The following POF1B variants were observed in gnomAD, a reference collection of about 807,000 sequenced individuals.
POF1B encodes the protein protein POF1B.
Under a neutral mutation model 55.3 loss-of-function variants are expected in POF1B, and 53 were observed. The observed-to-expected ratio is 0.96, with a 90% CI of 0.77 to 1.20. The LOEUF is 1.20. Among genes scored for constraint, POF1B ranks in the 50% most tolerant of loss-of-function variants. The probability of loss-of-function intolerance (pLI) is 0.00; values close to 1 mark genes in which losing one functional copy is unlikely to be tolerated. For synonymous variants in POF1B, 188 were observed against 148.3 expected (o/e 1.27, Z -1.95); for missense variants, 478 against 420.5 (o/e 1.14, Z -1.20).
intron 2 of POF1B, among the ~76,000 whole-genome samples, chrX:85,371,928 G>A (rs1443691030): frequency 8.9e-6 from 1 of 112,013 alleles, no homozygotes; most frequent in East Asian, 2.8e-4. Context: ...CAATTTTGCA[G>A]GAAGACCTTA....
chrX:85,287,241 A>C (rs1932073068), intron 15 of POF1B, among the ~76,000 whole-genome samples: 1 of 111,174 alleles, frequency 9.0e-6, no homozygotes, highest in African/African-American at 3.3e-5. Flanking sequence ...AAAAACAAAA[A>C]TAGGAGAAGA....
Position 85,303,391 on chromosome X carries a change from T to C in POF1B, c.1649+15A>G, listed in dbSNP as rs775659106. The C allele has an allele frequency of 9.6e-7, 1 of 1,044,985 alleles. No homozygotes were observed. The highest frequency in any genetic ancestry group is 3.1e-5 in the East Asian group (1 of 32,345). The allele number at this position is 1,044,985 out of a possible 1,213,427, so 86.1% of individuals were successfully genotyped here. On this transcript the variant is annotated intron_variant, in intron 15 of 16. Coordinates refer to ENST00000262753, the MANE Select transcript of POF1B (RefSeq NM_024921.4). ...CATAATTTTTATATTCAAATTTCAT[T>C]TAAAAATACATTACTTTTTAGTGGT...
chrX:85,285,830 C>CGTCT (rs1244192999), intron 15 of POF1B, among the ~76,000 whole-genome samples: 1 of 110,939 alleles, frequency 9.0e-6, no homozygotes, highest in East Asian at 2.9e-4. Flanking sequence ...CCAGCTTACT[C>CGTCT]GTCTATACAC....
intron 6 of POF1B, among the ~76,000 whole-genome samples, chrX:85,332,367 C>T (rs939334187): frequency 1.8e-5 from 2 of 111,121 alleles, no homozygotes; most frequent in Non-Finnish European, 3.8e-5. Flanking sequence ...TTACTATGAA[C>T]AGTGTCCTAA....
chrX:85,372,066 C>T (rs1447419446), intron 2 of POF1B, among the ~76,000 whole-genome samples: 1 of 111,482 alleles, frequency 9.0e-6, no homozygotes, highest in East Asian at 2.8e-4. Flanking sequence ...AATTTGGGGC[C>T]GGGCGTGGTG....
intron 7 of POF1B, among the ~76,000 whole-genome samples, chrX:85,329,997 T>A (rs1932949653): frequency 9.1e-6 from 1 of 109,883 alleles, no homozygotes; most frequent in African/African-American, 3.3e-5. Context: ...AATCTAAGAA[T>A]TAGAAGAATC....
intron 4 of POF1B, among the ~76,000 whole-genome samples, chrX:85,354,927 T>A (rs1933460225): frequency 9.0e-6 from 1 of 111,321 alleles, no homozygotes; most frequent in Non-Finnish European, 1.9e-5. Context: ...AAGCTACCAA[T>A]GACTTTCTTC....
At chrX:85,323,234 G>A (rs1932858840) in intron 7 of POF1B, among the ~76,000 whole-genome samples, 1 of 111,400 alleles carries the variant, frequency 9.0e-6, no homozygotes, top group South Asian at 3.8e-4. Flanking sequence ...AGAAAATGTG[G>A]CACATATACA....
intron 15 of POF1B, among the ~76,000 whole-genome samples, chrX:85,283,686 C>T (rs1048906822): frequency 1.6e-4 from 18 of 109,526 alleles, no homozygotes; most frequent in Non-Finnish European, 2.5e-4. Context: ...TATAAACACA[C>T]GTATCCAAGA....
chrX:85,322,045 TC>T (rs2147917780), intron 7 of POF1B, among the ~76,000 whole-genome samples: 1 of 110,515 alleles, frequency 9.0e-6, no homozygotes, highest in Admixed American at 9.6e-5. Context: ...TTCAATGCCA[TC>T]CCCATCAAGC....
chrX:85,306,150 A>C (rs766362960), intron 12 of POF1B, 31 bp downstream of exon 12: 1 of 1,140,183 alleles, frequency 8.8e-7, no homozygotes, highest in African/African-American at 1.8e-5. Context: ...AACTAAGGTA[A>C]TACTGTATAT....
intron 10 of POF1B, among the ~76,000 whole-genome samples, chrX:85,307,637 C>A (rs746900155): frequency 2.7e-5 from 3 of 111,489 alleles, no homozygotes; most frequent in Non-Finnish European, 5.7e-5. Context: ...AAAACTACTC[C>A]AAAGTCCTCA....
At chrX:85,364,673 C>G (rs763921528) in intron 3 of POF1B, among the ~76,000 whole-genome samples, 49 of 111,377 alleles carry the variant, frequency 4.4e-4, no homozygotes, top group African/African-American at 1.4e-3. Context: ...TCTCTAGCTG[C>G]TGTCAACATT....
At chrX:85,333,137 C>T (rs982876356) in intron 6 of POF1B, among the ~76,000 whole-genome samples, 1 of 110,467 alleles carries the variant, frequency 9.1e-6, no homozygotes, top group Admixed American at 9.7e-5. Context: ...CTCTTTGGGG[C>T]ACACACCATA....
At chrX:85,373,194 C>A (rs948575167) in intron 2 of POF1B, among the ~76,000 whole-genome samples, 4 of 111,475 alleles carry the variant, frequency 3.6e-5, no homozygotes, top group African/African-American at 1.3e-4. Context: ...AAACTGAAAT[C>A]ATGAATATCG....
chrX:85,350,698 A>G (rs149660608), intron 5 of POF1B, among the ~76,000 whole-genome samples: 5,235 of 111,066 alleles, frequency 0.047, 124 homozygotes, highest in Non-Finnish European at 0.067. Context: ...GACACTTCTC[A>G]AAAGAAGACA....
chrX:85,288,887 C>T (rs1309195116), intron 15 of POF1B, among the ~76,000 whole-genome samples: 1 of 111,591 alleles, frequency 9.0e-6, no homozygotes, highest in South Asian at 3.8e-4. Flanking sequence ...TTATCAGCAG[C>T]GTGAAAACAA....
chrX:85,351,282 G>T, intron 5 of POF1B, 68 bp downstream of exon 5: 1 of 712,225 alleles, frequency 1.4e-6, no homozygotes, highest in Non-Finnish European at 2.1e-6. Flanking sequence ...AATGTCACTT[G>T]AGCTCTATTA....
chrX:85,283,699 C>T (rs1474086829), intron 15 of POF1B, among the ~76,000 whole-genome samples: 4 of 109,584 alleles, frequency 3.7e-5, no homozygotes, highest in Admixed American at 9.8e-5. Flanking sequence ...ATCCAAGAAG[C>T]TCAGTGAACG....
Sources: gnomAD v4.1 joint callset for allele counts (sites outside exome capture counted in the v4.1 genomes callset) on GRCh38, gnomAD v4.1.1 for gene constraint, MANE v1.5 for transcripts, NCBI Gene and HGNC (gene_info 2026-07-23, HGNC 2026-07-21) for gene names.